The following TNFRSF1B variants were observed in gnomAD, a reference collection of about 807,000 sequenced individuals.
TNFRSF1B encodes the protein TNF receptor superfamily member 1B.
In TNFRSF1B, 19 loss-of-function variants were observed where a neutral mutation model predicts 44.6. That is an observed-to-expected ratio of 0.43 (90% confidence interval 0.30 to 0.62). TNFRSF1B has a LOEUF of 0.62. Among genes scored for constraint, TNFRSF1B ranks in the 20% least tolerant of loss-of-function variants. The pLI is 0.16. For synonymous variants in TNFRSF1B, 252 were observed against 261.1 expected (o/e 0.97, Z 0.34); for missense variants, 541 against 619.9 (o/e 0.87, Z 1.35).
chr1:12,173,654 C>A (rs939943552), intron 1 of TNFRSF1B, among the ~76,000 whole-genome samples: 1 of 152,196 alleles, frequency 6.6e-6, no homozygotes, highest in Non-Finnish European at 1.5e-5. Flanking sequence ...TCAAGGAAGC[C>A]TTGAGCAGGA....
Position 12,187,822 on chromosome 1 carries a change from G to A in TNFRSF1B, c.79-974G>A, listed in dbSNP as rs1174296245. On this transcript the variant is annotated intron_variant, in intron 1 of 9. Transcript: ENST00000376259. This position sits in a 1 kb window ranked among gnomAD's most constrained non-coding sequence, Gnocchi z 5.5. ...GCAGGTCAGGGGAGGGGGCTTAGCA[G>A]GGACGTTGTTCACCAGCTTCAGCCC... Among the ~76,000 whole-genome samples the A allele has an allele frequency of 6.6e-6, 1 of 152,192 alleles. No individual in the cohort carries two copies. The highest frequency in any genetic ancestry group is 1.5e-5 in the Non-Finnish European group (1 of 68,030).
intron 9 of TNFRSF1B, 104 bp from the exon 10 acceptor site, chr1:12,206,636 C>G (rs1198183783): frequency 7.7e-7 from 1 of 1,302,128 alleles, no homozygotes; most frequent in Admixed American, 2.6e-5. Context: ...GGCTCCTGGC[C>G]CAGTGCTCTT....
Position 12,187,583 on chromosome 1 carries a change from G to A in TNFRSF1B, c.79-1213G>A, listed in dbSNP as rs1639015458. The stretch of plus-strand genomic sequence containing the variant: ...CTTCTCTGTCACTTACCAGGTCTGG[G>A]ACCTTGGGCAGGTGACCTGCCCTCT... On this transcript the variant is annotated intron_variant, in intron 1 of 9. Coordinates refer to ENST00000376259, the MANE Select transcript of TNFRSF1B (RefSeq NM_001066.3). The surrounding 1 kb of genome is among the most constrained non-coding windows in gnomAD (Gnocchi z 5.5). Among the ~76,000 whole-genome samples, 1 of 152,238 alleles carries A rather than the reference G, an allele frequency of 6.6e-6. No homozygotes were observed. The highest frequency in any genetic ancestry group is 1.5e-5 in the Non-Finnish European group (1 of 68,044).
At position 12,174,160 on chromosome 1, in the gene TNFRSF1B, T is replaced by TCTTCTC. The variant is rs1197180713; in HGVS notation, c.78+7087_78+7092dup. ...TTCTTCTTCTTCTTCTTCTTCTTCT[T>TCTTCTC]CTTCTCCTTCTCCTTCTCCTTCTCC... On this transcript the variant is annotated intron_variant, in intron 1 of 9. Transcript: ENST00000376259. 3.8e-3 allele frequency among the ~76,000 whole-genome samples: 257 copies of TCTTCTC among 67,736 alleles called. 7 individuals carry two copies. The highest frequency in any genetic ancestry group is 0.018 in the East Asian group (22 of 1,230). The allele number at this position is 67,736 out of a possible 152,430, so 44.4% of individuals were successfully genotyped here. A position where few individuals can be genotyped will look rare whatever the true frequency, so the allele number is the denominator to read the frequency against.
chr1:12,194,763 G>A (rs937170819), intron 8 of TNFRSF1B, 145 bp downstream of exon 8: 13 of 995,856 alleles, frequency 1.3e-5, no homozygotes, highest in East Asian at 1.0e-4. Context: ...AGGAAAGGCC[G>A]GGGAGTCAGG....
intron 6 of TNFRSF1B, among the ~76,000 whole-genome samples, chr1:12,193,383 C>T (rs781465115): frequency 6.6e-6 from 1 of 152,276 alleles, no homozygotes; most frequent in Non-Finnish European, 1.5e-5. Flanking sequence ...TGAGGTCAGT[C>T]TGGGTAACAC....
intron 3 of TNFRSF1B, chr1:12,191,569 G>A (rs1284094215): frequency 1.5e-6 from 1 of 653,840 alleles, no homozygotes; most frequent in African/African-American, 1.8e-5. Flanking sequence ...AGAGTAGCGG[G>A]ACTGCGGAGA....
intron 1 of TNFRSF1B, among the ~76,000 whole-genome samples, chr1:12,185,281 G>A (rs971635523): frequency 3.3e-5 from 5 of 152,026 alleles, no homozygotes; most frequent in Non-Finnish European, 5.9e-5. Flanking sequence ...GCAAAGGAGC[G>A]TGAGAATCAC....
At chr1:12,172,267 G>A (rs951168269) in intron 1 of TNFRSF1B, among the ~76,000 whole-genome samples, 3 of 152,194 alleles carry the variant, frequency 2.0e-5, no homozygotes, top group Non-Finnish European at 4.4e-5. Flanking sequence ...ATGACTCTGG[G>A]GAAAGGCCCC....
rs1316209540 is a variant in TNFRSF1B at position 12,202,117 on chromosome 1, C to G, written c.1051C>G (p.Pro351Ala). The G allele has an allele frequency of 6.4e-7, 1 of 1,569,046 alleles. No individual in the cohort carries two copies. Among genetic ancestry groups the G allele is most frequent in the African/African-American group, 1.4e-5 (1 of 73,968 alleles). ...GCCCACTCGGAACCAGCCACAGGCA[C>G]CAGGCGTGGAGGCCAGTGGGGCCGG... ...RAPTRNQPQAPGVEASGAGEA... is the reference protein window; with the variant it reads ...RAPTRNQPQAAGVEASGAGEA... The change falls in exon 9 of 10, where the codon CCA (proline) becomes GCA (alanine). Residue 351 changes from proline (P) to alanine (A), a missense_variant. Coordinates refer to ENST00000376259, the MANE Select transcript of TNFRSF1B (RefSeq NM_001066.3).
intron 1 of TNFRSF1B, among the ~76,000 whole-genome samples, chr1:12,183,695 T>C (rs529365447): frequency 1.6e-5 from 2 of 127,670 alleles, no homozygotes; most frequent in African/African-American, 2.8e-5. Context: ...TATCTATCTA[T>C]CTATCTATCT....
rs1349470967 is a variant in TNFRSF1B at position 12,168,465 on chromosome 1, A to G, written c.78+1296A>G. Among the ~76,000 whole-genome samples, 4 of 152,116 alleles carry G rather than the reference A, an allele frequency of 2.6e-5. No homozygotes were observed. The highest frequency in any genetic ancestry group is 5.9e-5 in the Non-Finnish European group (4 of 68,010). ...TTTGGGTCAGGAGAGTCCCCACTCT[A>G]GGGCCGAGTGTGAATGGGGACGACC... On this transcript the variant is annotated intron_variant, in intron 1 of 9. Transcript: ENST00000376259. This position sits in a 1 kb window ranked among gnomAD's most constrained non-coding sequence, Gnocchi z 4.7.
intron 1 of TNFRSF1B, among the ~76,000 whole-genome samples, chr1:12,183,835 CT>C (rs1638911823): frequency 6.6e-6 from 1 of 150,424 alleles, no homozygotes; most frequent in South Asian, 2.1e-4. Flanking sequence ...ACCTATCTAT[CT>C]ATCTATCTAT....
intron 8 of TNFRSF1B, 21 bp downstream of exon 8, chr1:12,194,639 C>G: frequency 6.2e-7 from 1 of 1,614,082 alleles, no homozygotes; most frequent in Non-Finnish European, 8.5e-7. Flanking sequence ...CCACTGCCCT[C>G]TCCCCCTCTT....
At chr1:12,205,155 C>T (rs543098298) in intron 9 of TNFRSF1B, among the ~76,000 whole-genome samples, 119 of 152,178 alleles carry the variant, frequency 7.8e-4, no homozygotes, top group Non-Finnish European at 1.5e-3. Context: ...AAGTAAATGT[C>T]TCTAGAGAGG....
In TNFRSF1B at chr1:12,193,056, C is replaced by A; in HGVS notation, c.745C>A (p.Pro249Thr). 1 of 1,614,162 alleles carries A rather than the reference C, an allele frequency of 6.2e-7. No individual in the cohort carries two copies. The highest frequency in any genetic ancestry group is 8.5e-7 in the Non-Finnish European group (1 of 1,180,028). ...CTTCCTGCTCCCAATGGGCCCCAGC[C>A]CCCCAGCTGAAGGGAGCACTGGCGA... is the stretch of plus-strand genomic sequence containing the variant. ...TSFLLPMGPS[P>T]PAEGSTGDFA... The change falls in exon 6 of 10, where the codon CCC becomes ACC. Residue 249 changes from proline to threonine, a missense_variant. By Grantham distance (38) the Pro-to-Thr change is conservative. Coordinates refer to ENST00000376259, the MANE Select transcript of TNFRSF1B (RefSeq NM_001066.3).
intron 9 of TNFRSF1B, among the ~76,000 whole-genome samples, chr1:12,204,600 A>C (rs1474253630): frequency 6.6e-6 from 1 of 151,832 alleles, no homozygotes; most frequent in Non-Finnish European, 1.5e-5. Flanking sequence ...CAGCAAACCC[A>C]CCGTCCAGTG....
At chr1:12,204,388 C>T in intron 9 of TNFRSF1B, among the ~76,000 whole-genome samples, 1 of 152,214 alleles carries the variant, frequency 6.6e-6, no homozygotes, top group East Asian at 1.9e-4. Flanking sequence ...CAACCCTCCT[C>T]CCCCACCACA....
At chr1:12,202,208 C>T in intron 9 of TNFRSF1B, 37 bp downstream of exon 9, 1 of 1,533,676 alleles carries the variant, frequency 6.5e-7, no homozygotes, top group Non-Finnish European at 8.7e-7. Context: ...CTTCCCAAGC[C>T]TCCTTGGTCT....
Sources: gnomAD v4.1 joint callset for allele counts (sites outside exome capture counted in the v4.1 genomes callset) on GRCh38, gnomAD v4.1.1 for gene constraint, Gnocchi (gnomAD v3.1) non-coding constraint, MANE v1.5 for transcripts, NCBI Gene and HGNC (gene_info 2026-07-23, HGNC 2026-07-21) for gene names.